Variants in TSC22D1 observed in about 807,000 individuals in gnomAD.
TSC22D1 encodes TSC22 domain family member 1.
TSC22D1 carries 9 observed loss-of-function variants against 74.2 expected under a neutral mutation model. That is an observed-to-expected ratio of 0.12 (90% CI 0.07 to 0.21). The LOEUF (loss-of-function observed/expected upper bound fraction) is 0.21, where lower values mean the gene tolerates loss of function less well. TSC22D1 is among the 10% of genes least tolerant of loss of function. The pLI, the probability that TSC22D1 is intolerant of heterozygous loss-of-function variation, is 1.00. For missense variants in TSC22D1, 1,427 were observed against 1,304.7 expected, an observed-to-expected ratio of 1.09 and a Z score of -1.44; for synonymous variants, 586 against 492.5, an observed-to-expected ratio of 1.19 and a Z score of -2.51.
intron 1 of TSC22D1, among the ~76,000 whole-genome samples, chr13:44,500,874 G>A (rs1879194551): frequency 6.6e-6 from 1 of 152,102 alleles, no homozygotes; most frequent in Admixed American, 6.6e-5. Flanking sequence ...TTGTGAAGAT[G>A]AGTGTCTCAC....
rs949837727 is a variant in TSC22D1, at chr13:44,573,617, C to T, written c.2458G>A (p.Ala820Thr). 6.2e-7 allele frequency: 1 copy of T among 1,614,108 alleles called. No individual in the cohort carries two copies. The highest frequency in any genetic ancestry group is 1.3e-5 in the African/African-American group (1 of 74,934). The change falls in exon 1 of 3, where the codon GCA (alanine) becomes ACA (threonine). Residue 820 changes from alanine (A) to threonine (T), a missense_variant. Physicochemically the swap from Ala to Thr is moderately conservative, Grantham distance 58. Transcript: ENST00000458659. ...AQGIVSQQLP[A>T]VSSLPSASSI... ...CTAGCAGAGGGCAAAGAACTAACTG[C>T]AGGCAACTGCTGTGAAACAATTCCT...
In TSC22D1 at chr13:44,574,978, C is replaced by T; in HGVS notation, c.1097G>A (p.Gly366Asp). Residue 366 changes from glycine to aspartate, a missense_variant, in exon 1 of 3, where the codon GGC (glycine) becomes GAC (aspartate). Physicochemically the swap from Gly to Asp is moderately conservative, Grantham distance 94. This residue lies in a region of TSC22D1 where 1,343 missense variants were observed against 1,191.5 expected (regional missense o/e 1.13). Transcript: ENST00000458659. ...TSGVNVNILS[G>D]MGNGTISSSA... ...GGAAGAAATAGTACCATTGCCCATGCCACTCAAGATATTCACATTAACACC... is the reference window on the plus strand; with the variant it reads ...GGAAGAAATAGTACCATTGCCCATGTCACTCAAGATATTCACATTAACACC... 1 of 1,614,098 alleles carries T rather than the reference C, an allele frequency of 6.2e-7. No individual in the cohort carries two copies. The highest frequency in any genetic ancestry group is 1.3e-5 in the African/African-American group (1 of 75,040).
chr13:44,435,681 G>A (rs1311797866), intron 2 of TSC22D1: 2 of 291,156 alleles, frequency 6.9e-6, no homozygotes, highest in South Asian at 3.4e-5. Flanking sequence ...CGGCTCCCTA[G>A]TAAAATATTA....
At chr13:44,447,443 A>C (rs1032216325) in intron 1 of TSC22D1, among the ~76,000 whole-genome samples, 2 of 152,226 alleles carry the variant, frequency 1.3e-5, no homozygotes, top group Non-Finnish European at 2.9e-5. Context: ...AAAATGCATT[A>C]CTAGGCTTGA....
chr13:44,451,248 G>A (rs1191810294), intron 1 of TSC22D1, among the ~76,000 whole-genome samples: 4 of 152,194 alleles, frequency 2.6e-5, no homozygotes, highest in African/African-American at 4.8e-5. Flanking sequence ...AACCGTGACA[G>A]AAGCGGGACA....
chr13:44,458,243 T>C (rs1479573478), intron 1 of TSC22D1, among the ~76,000 whole-genome samples: 5 of 152,236 alleles, frequency 3.3e-5, no homozygotes, highest in African/African-American at 1.2e-4. Flanking sequence ...AAAGCATCTA[T>C]GATGTTGTTT....
chr13:44,513,193 G>T (rs1015428799), intron 1 of TSC22D1, among the ~76,000 whole-genome samples: 1 of 152,160 alleles, frequency 6.6e-6, no homozygotes, highest in African/African-American at 2.4e-5. Context: ...AAATGTCCTT[G>T]TAATGGTTGT....
intron 1 of TSC22D1, among the ~76,000 whole-genome samples, chr13:44,529,874 T>C (rs1880737527): frequency 6.6e-6 from 1 of 151,986 alleles, no homozygotes; most frequent in Non-Finnish European, 1.5e-5. Context: ...TAGGATCTCA[T>C]ATAAGGTCTA....
At chr13:44,435,797 A>T (rs1341762947) in intron 2 of TSC22D1, 1 of 549,812 alleles carries the variant, frequency 1.8e-6, no homozygotes, top group African/African-American at 1.9e-5. Flanking sequence ...GGTCACCGTG[A>T]GAAAATCCCG....
At chr13:44,530,914 A>C (rs1880801809) in intron 1 of TSC22D1, among the ~76,000 whole-genome samples, 1 of 152,202 alleles carries the variant, frequency 6.6e-6, no homozygotes, top group Non-Finnish European at 1.5e-5. Context: ...TGGTAAAGTC[A>C]CTTTAGAAGA....
At chr13:44,453,996 A>G (rs1252691248) in intron 1 of TSC22D1, among the ~76,000 whole-genome samples, 1 of 152,232 alleles carries the variant, frequency 6.6e-6, no homozygotes, top group East Asian at 1.9e-4. Context: ...TTAAAAATTC[A>G]GTTGCATTAT....
At chr13:44,491,367 C>T in intron 1 of TSC22D1, among the ~76,000 whole-genome samples, 1 of 152,038 alleles carries the variant, frequency 6.6e-6, no homozygotes, top group Non-Finnish European at 1.5e-5. Context: ...TCCTGGCTAA[C>T]ATGGTGAAAC....
intron 1 of TSC22D1, among the ~76,000 whole-genome samples, chr13:44,517,209 T>G (rs1880033340): frequency 6.6e-6 from 1 of 152,184 alleles, no homozygotes; most frequent in Admixed American, 6.5e-5. Context: ...TCTCTATTCA[T>G]CCTGTACTAC....
At chr13:44,448,402 A>C (rs1875854148) in intron 1 of TSC22D1, among the ~76,000 whole-genome samples, 1 of 152,222 alleles carries the variant, frequency 6.6e-6, no homozygotes. Flanking sequence ...ACTTAGGGTC[A>C]TTAGAGGCAG....
chr13:44,549,798 A>G (rs559130515), intron 1 of TSC22D1, among the ~76,000 whole-genome samples: 114 of 151,368 alleles, frequency 7.5e-4, no homozygotes, highest in South Asian at 1.5e-3. Context: ...AAAAAAGAAG[A>G]AGGCGGCGGC....
At chr13:44,446,803 A>AGAGGAGGAGGAAG (rs1566115894) in intron 1 of TSC22D1, among the ~76,000 whole-genome samples, 1 of 140,286 alleles carries the variant, frequency 7.1e-6, no homozygotes, top group African/African-American at 2.7e-5. Context: ...GGAGGAGGAA[A>AGAGGAGGAGGAAG]AGGAGGAGGA....
At chr13:44,515,873 G>T (rs1879956260) in intron 1 of TSC22D1, among the ~76,000 whole-genome samples, 1 of 152,146 alleles carries the variant, frequency 6.6e-6, no homozygotes, top group Non-Finnish European at 1.5e-5. Context: ...GCAAAACTTT[G>T]CAATATGTAC....
chr13:44,499,835 A>G (rs1435806283), intron 1 of TSC22D1, among the ~76,000 whole-genome samples: 1 of 152,102 alleles, frequency 6.6e-6, no homozygotes, highest in African/African-American at 2.4e-5. Flanking sequence ...ATGTGTAATC[A>G]CAGCACTTTG....
At chr13:44,549,318 AAGAC>A (rs757734710) in intron 1 of TSC22D1, among the ~76,000 whole-genome samples, 5 of 152,304 alleles carry the variant, frequency 3.3e-5, no homozygotes, top group Middle Eastern at 3.4e-3. Flanking sequence ...GGTTTTGTAA[AAGAC>A]AGAACACATC....
Sources: allele counts gnomAD v4.1 joint callset (sites outside exome capture counted in the v4.1 genomes callset), GRCh38; gene constraint gnomAD v4.1.1; regional missense constraint gnomAD v4.1.1; transcripts MANE v1.5; gene names NCBI Gene and HGNC (gene_info 2026-07-23, HGNC 2026-07-21).